NEK10: variants seen among roughly 807,000 people sequenced by gnomAD.
NEK10 encodes the protein serine/threonine-protein kinase Nek10.
A neutral mutation model predicts 159.8 loss-of-function variants in NEK10; 122 were observed. That is an observed-to-expected ratio of 0.76 (90% confidence interval 0.66 to 0.89). NEK10 has a LOEUF of 0.89. NEK10 is among the 40% of genes least tolerant of loss of function. The pLI is 0.00. For synonymous variants in NEK10, 466 were observed against 457.1 expected (o/e 1.02, Z -0.25); for missense variants, 1,342 against 1,323.1 (o/e 1.01, Z -0.22).
intron 29 of NEK10, among the ~76,000 whole-genome samples, chr3:27,168,063 T>G (rs1391649515): frequency 6.6e-6 from 1 of 152,232 alleles, no homozygotes; most frequent in Non-Finnish European, 1.5e-5. Flanking sequence ...AAGCTTTCTC[T>G]TGGTACTATT....
chr3:27,134,570 G>A (rs936327471), intron 31 of NEK10, among the ~76,000 whole-genome samples: 7 of 152,186 alleles, frequency 4.6e-5, no homozygotes, highest in Non-Finnish European at 8.8e-5. Flanking sequence ...GGTACTCTGA[G>A]AATTCTTGCG....
intron 22 of NEK10, among the ~76,000 whole-genome samples, chr3:27,281,416 C>T (rs2042151188): frequency 6.6e-6 from 1 of 151,810 alleles, no homozygotes; most frequent in Non-Finnish European, 1.5e-5. Context: ...TGAAATTTTC[C>T]AGAGTGATAA....
chr3:27,284,321 G>A (rs180952041), intron 22 of NEK10, among the ~76,000 whole-genome samples: 2 of 152,292 alleles, frequency 1.3e-5, no homozygotes, highest in Admixed American at 1.3e-4. Context: ...GGGAGGTGGA[G>A]GTTGCAGTGA....
intron 31 of NEK10, among the ~76,000 whole-genome samples, chr3:27,137,812 C>T (rs1340523298): frequency 6.6e-6 from 1 of 152,154 alleles, no homozygotes; most frequent in Non-Finnish European, 1.5e-5. Context: ...AAGACCCAGG[C>T]TACTCAGCCC....
chr3:27,244,909 C>T (rs1429027143), intron 23 of NEK10, among the ~76,000 whole-genome samples: 3 of 152,152 alleles, frequency 2.0e-5, no homozygotes, highest in Non-Finnish European at 2.9e-5. Context: ...ACAGCTTCAG[C>T]CTGGACCATC....
intron 7 of NEK10, among the ~76,000 whole-genome samples, chr3:27,313,113 A>T (rs78018556): frequency 1.3e-5 from 2 of 152,000 alleles, no homozygotes; most frequent in Admixed American, 1.3e-4. Flanking sequence ...AAAAAAAAAA[A>T]AATGATCCGG....
chr3:27,242,153 T>C (rs1300990928), intron 23 of NEK10, among the ~76,000 whole-genome samples: 1 of 152,246 alleles, frequency 6.6e-6, no homozygotes, highest in Non-Finnish European at 1.5e-5. Flanking sequence ...ATGGGACTTT[T>C]GGCATTGATA....
chr3:27,190,783 A>C (rs1320883023), intron 26 of NEK10, among the ~76,000 whole-genome samples: 4 of 152,234 alleles, frequency 2.6e-5, no homozygotes, highest in Admixed American at 2.0e-4. Context: ...TTTAGAATGC[A>C]ACATGACATA....
intron 23 of NEK10, among the ~76,000 whole-genome samples, chr3:27,233,791 C>G (rs1215113808): frequency 1.3e-5 from 2 of 152,024 alleles, no homozygotes; most frequent in African/African-American, 2.4e-5. Context: ...CATCCTGATA[C>G]TAAAACCTGG....
At position 27,331,251 on chromosome 3, in the gene NEK10, CAAA is replaced by C. The variant is rs1247716064; in HGVS notation, c.363-8993_363-8991del. Among the ~76,000 whole-genome samples, 207 of 53,918 alleles carry C rather than the reference CAAA, an allele frequency of 3.8e-3. 15 individuals carry two copies. In the East Asian group the frequency reaches 0.17, roughly 44 times the overall value. 35.4% of individuals were successfully genotyped at this position (53,918 alleles called of 152,430 possible). ...AGACTCTGTCTCAAAAAAAAAAAAA[CAAA>C]AAAAAAAAACACACAAACCTAAGAC... On this transcript the variant is annotated intron_variant, in intron 5 of 35. Coordinates refer to ENST00000691995, the MANE Select transcript of NEK10 (RefSeq NM_001394966.1).
At chr3:27,196,892 A>G (rs905007142) in intron 25 of NEK10, among the ~76,000 whole-genome samples, 2 of 152,200 alleles carry the variant, frequency 1.3e-5, no homozygotes, top group Non-Finnish European at 2.9e-5. Flanking sequence ...AGCAGTTTAA[A>G]TATATTTGGA....
At chr3:27,226,831 C>A (rs1026289468) in intron 23 of NEK10, among the ~76,000 whole-genome samples, 5 of 152,074 alleles carry the variant, frequency 3.3e-5, no homozygotes, top group Admixed American at 1.3e-4. Context: ...ATCAGTTATA[C>A]CACAAAATAA....
intron 6 of NEK10, among the ~76,000 whole-genome samples, chr3:27,315,013 C>T (rs1344674812): frequency 1.3e-5 from 2 of 152,178 alleles, no homozygotes; most frequent in Admixed American, 6.5e-5. Context: ...TAATTTTTGA[C>T]AATGTCTCCT....
chr3:27,234,610 G>T (rs544964946), intron 23 of NEK10, among the ~76,000 whole-genome samples: 1 of 152,078 alleles, frequency 6.6e-6, no homozygotes, highest in Non-Finnish European at 1.5e-5. Context: ...AAAGAAATCA[G>T]AAAGGACACA....
chr3:27,128,099 G>A (rs1942178806), intron 32 of NEK10, among the ~76,000 whole-genome samples: 1 of 152,116 alleles, frequency 6.6e-6, no homozygotes, highest in East Asian at 1.9e-4. Flanking sequence ...AATATTTTTG[G>A]CGTTCCAGGC....
chr3:27,119,165 G>A (rs1470379310), intron 33 of NEK10, among the ~76,000 whole-genome samples: 1 of 152,182 alleles, frequency 6.6e-6, no homozygotes, highest in Non-Finnish European at 1.5e-5. Flanking sequence ...ATAACCTTGT[G>A]ATGCAAGTAT....
chr3:27,309,144 G>GT (rs10662525), intron 9 of NEK10, 139 bp from the exon 10 acceptor site: 40,664 of 364,326 alleles, frequency 0.11, 833 homozygotes, highest in East Asian at 0.19. Context: ...AGGCTTAACT[G>GT]TTTTTTTTTT....
At chr3:27,359,940 A>G (rs1322740234) in intron 1 of NEK10, among the ~76,000 whole-genome samples, 1 of 152,218 alleles carries the variant, frequency 6.6e-6, no homozygotes, top group Non-Finnish European at 1.5e-5. Context: ...CAAATTATGT[A>G]TGCTTTAGAA....
intron 33 of NEK10, among the ~76,000 whole-genome samples, chr3:27,118,865 A>G (rs756993738): frequency 2.0e-5 from 3 of 152,216 alleles, no homozygotes; most frequent in Admixed American, 6.5e-5. Context: ...TTTGTCAATT[A>G]ATTCATGAAA....
Sources: gnomAD v4.1 joint callset for allele counts (sites outside exome capture counted in the v4.1 genomes callset) on GRCh38, gnomAD v4.1.1 for gene constraint, MANE v1.5 for transcripts, NCBI Gene and HGNC (gene_info 2026-07-23, HGNC 2026-07-21) for gene names.